The following GPHN variants were observed in gnomAD, a reference collection of about 807,000 sequenced individuals.
The protein encoded by GPHN is gephyrin.
A neutral mutation model predicts 95.5 loss-of-function variants in GPHN; 17 were observed. The ratio of observed to expected loss-of-function variants is 0.18; its 90% CI spans 0.12 to 0.27. GPHN has a LOEUF of 0.27. Ranked by LOEUF, GPHN falls within the 10% of genes least tolerant of loss-of-function variation. The pLI is 1.00. For synonymous variants in GPHN, 320 were observed against 322.5 expected, an observed-to-expected ratio of 0.99 and a Z score of 0.08; for missense variants, 660 against 978.1, an observed-to-expected ratio of 0.67 and a Z score of 4.34.
intron 2 of GPHN, among the ~76,000 whole-genome samples, chr14:66,739,120 T>C (rs10151898): frequency 0.51 from 77,848 of 151,752 alleles, 22,820 homozygotes; most frequent in African/African-American, 0.81. Flanking sequence ...AAGAAAAGTA[T>C]CTGAGAAATT....
chr14:67,732,978 G>T, the GPHN span, among the ~76,000 whole-genome samples: 1 of 152,056 alleles, frequency 6.6e-6, no homozygotes, highest in Non-Finnish European at 1.5e-5. Context: ...AAAAAACATG[G>T]GGGGAGCGGG....
chr14:67,723,897 A>G, the GPHN span, among the ~76,000 whole-genome samples: 1 of 152,270 alleles, frequency 6.6e-6, no homozygotes, highest in Non-Finnish European at 1.5e-5. Context: ...GCCATCGGCC[A>G]GAATGAAATC....
At chr14:66,718,365 C>T (rs560942734) in intron 2 of GPHN, among the ~76,000 whole-genome samples, 7 of 152,172 alleles carry the variant, frequency 4.6e-5, no homozygotes, top group South Asian at 2.1e-4. Flanking sequence ...TTGTTCCTCC[C>T]GATGGGTTCG....
chr14:66,918,752 A>G (rs1410411275), intron 6 of GPHN, among the ~76,000 whole-genome samples: 1 of 152,176 alleles, frequency 6.6e-6, no homozygotes, highest in African/African-American at 2.4e-5. Flanking sequence ...CCAAGGACCT[A>G]GAGATCACTC....
At chr14:67,590,949 A>T in the GPHN span, among the ~76,000 whole-genome samples, 38 of 152,358 alleles carry the variant, frequency 2.5e-4, no homozygotes, top group African/African-American at 8.2e-4. Context: ...GCAGTTTAAT[A>T]TGTAAATATT....
the GPHN span, chr14:67,320,972 T>C: frequency 2.2e-5 from 24 of 1,103,474 alleles, no homozygotes; most frequent in Admixed American, 1.3e-4. Context: ...TGTTACAAAA[T>C]AGAAATTCTT....
At chr14:67,388,176 G>A in the GPHN span, 2 of 1,210,920 alleles carry the variant, frequency 1.7e-6, no homozygotes, top group Non-Finnish European at 2.5e-6. Flanking sequence ...TGAGGTGCAG[G>A]AGGGAGGCCC....
chr14:66,800,394 T>A (rs1268259970), intron 3 of GPHN, among the ~76,000 whole-genome samples: 1 of 152,106 alleles, frequency 6.6e-6, no homozygotes, highest in Non-Finnish European at 1.5e-5. Flanking sequence ...TTGATAAAAA[T>A]CCCTCAGCTT....
At chr14:66,679,536 C>T (rs2066817480) in intron 1 of GPHN, among the ~76,000 whole-genome samples, 1 of 152,054 alleles carries the variant, frequency 6.6e-6, no homozygotes, top group South Asian at 2.1e-4. Context: ...AGTATTGTTT[C>T]TCCTCACTTT....
intron 2 of GPHN, among the ~76,000 whole-genome samples, chr14:66,711,459 G>A (rs529809166): frequency 2.0e-4 from 30 of 152,054 alleles, no homozygotes; most frequent in South Asian, 1.0e-3. Flanking sequence ...ACTTGGGTTC[G>A]TTCCATGATT....
the GPHN span, among the ~76,000 whole-genome samples, chr14:67,708,918 G>A: frequency 2.0e-5 from 3 of 151,270 alleles, no homozygotes; most frequent in South Asian, 4.2e-4. Flanking sequence ...TCAGCCTCAC[G>A]AGTAGCTGGG....
chr14:66,944,885 C>A (rs1430903567), intron 8 of GPHN, among the ~76,000 whole-genome samples: 3 of 152,214 alleles, frequency 2.0e-5, no homozygotes, highest in Non-Finnish European at 2.9e-5. Flanking sequence ...GCATCCCAGC[C>A]CTGGCAGGGA....
the GPHN span, among the ~76,000 whole-genome samples, chr14:67,672,831 G>T: frequency 1.3e-5 from 2 of 152,108 alleles, no homozygotes; most frequent in Admixed American, 6.6e-5. Context: ...TTAGAAAAAG[G>T]CACAAGTCTT....
the GPHN span, among the ~76,000 whole-genome samples, chr14:67,445,589 T>TTC: frequency 7.6e-6 from 1 of 131,384 alleles, no homozygotes; most frequent in Admixed American, 7.7e-5. Flanking sequence ...TTTTTTTTTT[T>TTC]TTTTTTTTTT....
chr14:67,215,389 C>G, the GPHN span, among the ~76,000 whole-genome samples: 1 of 148,244 alleles, frequency 6.7e-6, no homozygotes, highest in African/African-American at 2.5e-5. Context: ...AATTTCTCCC[C>G]AGAACACTGA....
the GPHN span, among the ~76,000 whole-genome samples, chr14:67,205,666 A>G: frequency 6.6e-6 from 1 of 152,194 alleles, no homozygotes; most frequent in Non-Finnish European, 1.5e-5. Context: ...AGAGAATAAT[A>G]TATGTGGAGA....
chr14:67,473,816 G>C, the GPHN span: 1 of 1,613,852 alleles, frequency 6.2e-7, no homozygotes. This position sits in a 1 kb window ranked among gnomAD's most constrained non-coding sequence, Gnocchi z 6.5. Flanking sequence ...TCCAGTTCAA[G>C]TTCACCACGA....
chr14:67,501,077 A>ATAATAT, the GPHN span, among the ~76,000 whole-genome samples: 6 of 148,626 alleles, frequency 4.0e-5, no homozygotes, highest in African/African-American at 1.5e-4. Flanking sequence ...AATAATAATA[A>ATAATAT]TAATAATAAA....
At chr14:67,325,649 C>T in the GPHN span, among the ~76,000 whole-genome samples, 461 of 152,236 alleles carry the variant, frequency 3.0e-3, 1 homozygote, top group South Asian at 6.2e-3. Flanking sequence ...GAAAAGGATG[C>T]GCACTAAGGA....
Sources: gnomAD v4.1 joint callset for allele counts (sites outside exome capture counted in the v4.1 genomes callset) on GRCh38, gnomAD v4.1.1 for gene constraint, Gnocchi (gnomAD v3.1) non-coding constraint, MANE v1.5 for transcripts, NCBI Gene and HGNC (gene_info 2026-07-23, HGNC 2026-07-21) for gene names.